Variants in ITGA9 observed in about 807,000 individuals in gnomAD.
ITGA9 encodes the protein integrin subunit alpha 9.
ITGA9 carries 56 observed loss-of-function variants against 127.8 expected under a neutral mutation model. That is an observed-to-expected ratio of 0.44 (90% confidence interval 0.35 to 0.55). ITGA9 has a LOEUF of 0.55. ITGA9 is among the 20% of genes least tolerant of loss of function. The pLI, the probability that ITGA9 is intolerant of heterozygous loss-of-function variation, is 0.00. For synonymous variants in ITGA9, 508 were observed against 514.5 expected, an observed-to-expected ratio of 0.99 and a Z score of 0.17; for missense variants, 1,196 against 1,347.1, an observed-to-expected ratio of 0.89 and a Z score of 1.76.
At chr3:37,761,033 C>T (rs1487083247) in intron 23 of ITGA9, among the ~76,000 whole-genome samples, 2 of 152,152 alleles carry the variant, frequency 1.3e-5, no homozygotes, top group African/African-American at 4.8e-5. Flanking sequence ...GTGGCTCATG[C>T]CTGTCATCCC....
intron 1 of ITGA9, among the ~76,000 whole-genome samples, chr3:37,455,138 A>G (rs777566062): frequency 1.3e-5 from 2 of 152,124 alleles, no homozygotes; most frequent in Admixed American, 6.6e-5. Flanking sequence ...CTTAACTTCA[A>G]CTGTGGGGTT....
intron 23 of ITGA9, among the ~76,000 whole-genome samples, chr3:37,769,294 C>T (rs1696815166): frequency 1.4e-5 from 2 of 148,036 alleles, no homozygotes; most frequent in African/African-American, 5.0e-5. Context: ...GCTGAGATTG[C>T]ACCATTGCAC....
At chr3:37,526,897 C>T (rs1247842484) in intron 13 of ITGA9, among the ~76,000 whole-genome samples, 1 of 152,222 alleles carries the variant, frequency 6.6e-6, no homozygotes, top group Non-Finnish European at 1.5e-5. Flanking sequence ...GCTACACAGC[C>T]TCCTGTTTGA....
chr3:37,780,021 G>C lies in ITGA9; in HGVS notation c.2787G>C (p.Lys929Asn). Residue 929 changes from lysine (K) to asparagine (N), a missense_variant and splice_region_variant, in exon 25 of 28, where the codon AAG becomes AAC. Coordinates refer to ENST00000264741, the MANE Select transcript of ITGA9 (RefSeq NM_002207.3). The part of the protein sequence containing the change: ...YMLLNTEILK[K>N]DSSSVIQFMS... ...TGCTGAACACAGAAATACTGAAAAA[G>C]GTAAGCCCTAATGAACCGCACTTGT... 6.2e-7 allele frequency: 1 copy of C among 1,613,854 alleles called. No homozygotes were observed. The highest frequency in any genetic ancestry group is 8.5e-7 in the Non-Finnish European group (1 of 1,179,916).
intron 23 of ITGA9, among the ~76,000 whole-genome samples, chr3:37,771,412 G>C (rs1696842369): frequency 6.6e-6 from 1 of 152,196 alleles, no homozygotes; most frequent in African/African-American, 2.4e-5. Context: ...TTCATGAAGT[G>C]AGGAATTAGC....
chr3:37,463,304 C>T lies in ITGA9; in HGVS notation c.186-7703C>T, dbSNP rs561421418. Among the ~76,000 whole-genome samples, 11 of 152,332 alleles carry T rather than the reference C, an allele frequency of 7.2e-5. No homozygotes were observed. In the South Asian group the frequency reaches 2.3e-3, roughly 32 times the overall value. Reference sequence around the variant, plus strand: ...CCCAAAACTTAGTGGCTTAAATCAACCACCACCTGTAGCTTATTCTCTGGT... The same window carrying T: ...CCCAAAACTTAGTGGCTTAAATCAATCACCACCTGTAGCTTATTCTCTGGT... On this transcript the variant is annotated intron_variant, in intron 1 of 27. Transcript: ENST00000264741.
At position 37,629,108 on chromosome 3, in the gene ITGA9, G is replaced by GAA; in HGVS notation, c.1690-79_1690-78insAA. On this transcript the variant is annotated intron_variant, in intron 15 of 27. Transcript: ENST00000264741. This position sits in a 1 kb window ranked among gnomAD's most constrained non-coding sequence, Gnocchi z 4.5. ...ATTATATGAGGCAATTCATGTAGAAGGTCTTTGTAAACTGTGAAATGCTCT... is the reference window on the plus strand; with the variant it reads ...ATTATATGAGGCAATTCATGTAGAAGAAGTCTTTGTAAACTGTGAAATGCTCT... 2 of 1,518,756 alleles carry GAA rather than the reference G, an allele frequency of 1.3e-6. No homozygotes were observed. Among genetic ancestry groups the GAA allele is most frequent in the Non-Finnish European group, 1.8e-6 (2 of 1,095,342 alleles). The allele number at this position is 1,518,756 out of a possible 1,614,324, so 94.1% of individuals were successfully genotyped here. A position where few individuals can be genotyped will look rare whatever the true frequency, so the allele number is the denominator to read the frequency against.
chr3:37,779,572 A>T (rs1011039697), intron 24 of ITGA9, among the ~76,000 whole-genome samples: 1 of 152,216 alleles, frequency 6.6e-6, no homozygotes, highest in Non-Finnish European at 1.5e-5. Context: ...AACTCATAAG[A>T]ATGCTTTCAG....
intron 3 of ITGA9, among the ~76,000 whole-genome samples, chr3:37,479,833 T>C (rs1225076906): frequency 6.6e-6 from 1 of 152,148 alleles, no homozygotes; most frequent in Non-Finnish European, 1.5e-5. Flanking sequence ...AAAGCACTCT[T>C]TGATACATGG....
At chr3:37,473,584 C>T (rs1579048231) in intron 3 of ITGA9, 124 bp downstream of exon 3, 2 of 619,108 alleles carry the variant, frequency 3.2e-6, no homozygotes, top group Non-Finnish European at 5.7e-6. Flanking sequence ...TGGACTACTG[C>T]TTAGACAAAT....
At chr3:37,473,491 G>C (rs751389038) in intron 3 of ITGA9, 31 bp downstream of exon 3, 1 of 1,512,582 alleles carries the variant, frequency 6.6e-7, no homozygotes, top group Non-Finnish European at 9.2e-7. Context: ...CTGTGGGAAG[G>C]GGGTGGCACT....
chr3:37,694,458 A>G (rs1485304735), intron 18 of ITGA9, among the ~76,000 whole-genome samples: 1 of 152,206 alleles, frequency 6.6e-6, no homozygotes, highest in Non-Finnish European at 1.5e-5. Context: ...TGGTGGAGAA[A>G]CGCAGATGTC....
At chr3:37,468,510 T>C (rs1447104331) in intron 1 of ITGA9, among the ~76,000 whole-genome samples, 1 of 152,174 alleles carries the variant, frequency 6.6e-6, no homozygotes, top group Non-Finnish European at 1.5e-5. Context: ...GAGTCCCCTT[T>C]GAGGGCCTCA....
rs952723036 is a variant in ITGA9 at position 37,819,172 on chromosome 3, C to T, written c.*183C>T. ...AGCCACTTCGGCCAGGTCACACGAC[C>T]GGGGCCAGCACCACTTCCTTTAAAG... is the stretch of plus-strand genomic sequence containing the variant. On this transcript the variant is annotated 3_prime_UTR_variant, in exon 28 of 28. Transcript: ENST00000264741. 12 of 635,478 alleles carry T rather than the reference C, an allele frequency of 1.9e-5. No individual in the cohort carries two copies. Among genetic ancestry groups the T allele is most frequent in the African/African-American group, 7.3e-5 (4 of 54,640 alleles). 39.4% of individuals were successfully genotyped at this position (635,478 alleles called of 1,614,324 possible). A position where few individuals can be genotyped will look rare whatever the true frequency, so the allele number is the denominator to read the frequency against.
chr3:37,737,604 C>G (rs1319474448), intron 20 of ITGA9, among the ~76,000 whole-genome samples: 8 of 152,170 alleles, frequency 5.3e-5, no homozygotes, highest in Admixed American at 5.2e-4. Flanking sequence ...TTACAAGATG[C>G]CTTCTCCAGG....
At chr3:37,750,037 C>A (rs921942121) in intron 22 of ITGA9, among the ~76,000 whole-genome samples, 6 of 148,786 alleles carry the variant, frequency 4.0e-5, no homozygotes, top group Non-Finnish European at 7.4e-5. Flanking sequence ...GGCATGACCC[C>A]CACTCCATAC....
chr3:37,656,107 A>C (rs1281550725), intron 17 of ITGA9, among the ~76,000 whole-genome samples: 1 of 152,190 alleles, frequency 6.6e-6, no homozygotes, highest in Non-Finnish European at 1.5e-5. Context: ...CTTGTAGTAT[A>C]GTTTGAAGTC....
At position 37,758,716 on chromosome 3, in the gene ITGA9, C is replaced by T. The variant is rs537109071; in HGVS notation, c.2541+8147C>T. Reference sequence around the variant, plus strand: ...CTCTTCAGTTTAGTTGTGTTGGAGGCCTTAACAATAAAAAGAAATGATAGC... The same window carrying T: ...CTCTTCAGTTTAGTTGTGTTGGAGGTCTTAACAATAAAAAGAAATGATAGC... On this transcript the variant is annotated intron_variant, in intron 23 of 27. Coordinates refer to ENST00000264741, the MANE Select transcript of ITGA9 (RefSeq NM_002207.3). 1.7e-4 allele frequency among the ~76,000 whole-genome samples: 26 copies of T among 151,718 alleles called. No individual in the cohort carries two copies. In the East Asian group the frequency reaches 4.5e-3, roughly 26 times the overall value.
At chr3:37,818,673 A>G in intron 27 of ITGA9, 1 of 595,986 alleles carries the variant, frequency 1.7e-6, no homozygotes, top group Non-Finnish European at 3.0e-6. Flanking sequence ...AGGAACAAAC[A>G]GCTTACGTAA....
Sources: gnomAD v4.1 joint callset for allele counts (sites outside exome capture counted in the v4.1 genomes callset) on GRCh38, gnomAD v4.1.1 for gene constraint, Gnocchi (gnomAD v3.1) non-coding constraint, MANE v1.5 for transcripts, NCBI Gene and HGNC (gene_info 2026-07-23, HGNC 2026-07-21) for gene names.